The following TENM3 variants were observed in gnomAD, a reference collection of about 807,000 sequenced individuals.
The protein encoded by TENM3 is teneurin-3.
A neutral mutation model predicts 255.1 loss-of-function variants in TENM3; 63 were observed. The ratio of observed to expected loss-of-function variants is 0.25; its 90% CI spans 0.20 to 0.30. The LOEUF (loss-of-function observed/expected upper bound fraction) is 0.30. TENM3 is among the 10% of genes least tolerant of loss of function. TENM3 has a pLI of 1.00. For synonymous variants in TENM3, 1,306 were observed against 1,322.3 expected (o/e 0.99, Z 0.27); for missense variants, 2,929 against 3,461.1 (o/e 0.85, Z 3.86).
intron 3 of TENM3, among the ~76,000 whole-genome samples, chr4:182,405,134 A>G (rs1041212718): frequency 2.0e-5 from 3 of 151,804 alleles, no homozygotes; most frequent in African/African-American, 4.8e-5. Context: ...ATTACTCACT[A>G]CTCCCAGCCA....
intron 3 of TENM3, among the ~76,000 whole-genome samples, chr4:182,519,842 CTAAACAT>C (rs1043818373): frequency 6.6e-6 from 1 of 152,060 alleles, no homozygotes; most frequent in African/African-American, 2.4e-5. Context: ...AACGGAATTT[CTAAACAT>C]TGGTGACTAC....
At chr4:181,539,586 T>C in the TENM3 span, among the ~76,000 whole-genome samples, 1 of 152,196 alleles carries the variant, frequency 6.6e-6, no homozygotes, top group Non-Finnish European at 1.5e-5. Context: ...CATTATTCAT[T>C]TGAAGTGTAA....
At chr4:182,385,838 AT>A (rs1767883085) in intron 3 of TENM3, among the ~76,000 whole-genome samples, 1 of 152,144 alleles carries the variant, frequency 6.6e-6, no homozygotes, top group Non-Finnish European at 1.5e-5. Flanking sequence ...AGATACAGCT[AT>A]TTTTCTTGGA....
At chr4:182,083,095 A>C in the TENM3 span, among the ~76,000 whole-genome samples, 49 of 152,364 alleles carry the variant, frequency 3.2e-4, no homozygotes, top group Non-Finnish European at 6.2e-4. Flanking sequence ...AATTGAGTTA[A>C]CACAAGTTAA....
At chr4:182,248,727 C>T (rs570945167) in intron 1 of TENM3, among the ~76,000 whole-genome samples, 2 of 152,278 alleles carry the variant, frequency 1.3e-5, no homozygotes, top group East Asian at 3.9e-4. Flanking sequence ...ATGCCTACTA[C>T]GTGCCAGCTC....
chr4:182,084,945 A>G, the TENM3 span: 2 of 152,214 alleles, frequency 1.3e-5, no homozygotes, highest in Non-Finnish European at 2.9e-5. Flanking sequence ...CAGAAAGCCT[A>G]TCACCCTTCT....
rs78216267 is a variant in TENM3 at position 182,145,524 on chromosome 4, C to G, written c.-76+770C>G. Among the ~76,000 whole-genome samples the G allele has an allele frequency of 4.7e-3, 718 of 152,302 alleles. 6 individuals are homozygous for G. The highest frequency in any genetic ancestry group is 0.016 in the African/African-American group (671 of 41,562). On this transcript the variant is annotated intron_variant, in intron 1 of 2. Transcript: ENST00000512480. ...TGTCTGATTGATCTTTGCTGAGCAT[C>G]TTACTATGCAGCTTGGATTCCATTC... is the stretch of plus-strand genomic sequence containing the variant.
chr4:182,241,514 C>CTT (rs1561232126), upstream of TENM3, among the ~76,000 whole-genome samples: 2 of 102,626 alleles, frequency 1.9e-5, no homozygotes, highest in Non-Finnish European at 3.8e-5. Context: ...TTTCTTTTTT[C>CTT]TTTCTTTTTT....
intron 6 of TENM3, among the ~76,000 whole-genome samples, chr4:182,661,153 C>T (rs1269826171): frequency 1.3e-5 from 2 of 149,678 alleles, no homozygotes; most frequent in African/African-American, 4.9e-5. Context: ...ATGATTTATG[C>T]TGCTTAAACA....
At chr4:182,509,937 C>A (rs1048473268) in intron 3 of TENM3, among the ~76,000 whole-genome samples, 761 of 104,266 alleles carry the variant, frequency 7.3e-3, no homozygotes, top group African/African-American at 0.012. Context: ...AACTCTGTCT[C>A]AAAAAAAAAA....
intron 1 of TENM3, among the ~76,000 whole-genome samples, chr4:182,203,617 C>T (rs1485518634): frequency 2.6e-5 from 4 of 152,186 alleles, no homozygotes; most frequent in Non-Finnish European, 4.4e-5. Context: ...TCCCTTTCCC[C>T]CGCTTTGCTG....
At chr4:181,701,124 C>G in the TENM3 span, among the ~76,000 whole-genome samples, 1 of 152,136 alleles carries the variant, frequency 6.6e-6, no homozygotes, top group African/African-American at 2.4e-5. Context: ...ATCTTCCGGG[C>G]ACTTAGTATT....
intron 1 of TENM3, among the ~76,000 whole-genome samples, chr4:182,153,498 A>T (rs1323848976): frequency 6.6e-6 from 1 of 152,122 alleles, no homozygotes; most frequent in Non-Finnish European, 1.5e-5. Flanking sequence ...TGATGTTAGG[A>T]ACTTCGGTCA....
chr4:182,501,382 G>GA (rs557542963), intron 3 of TENM3, among the ~76,000 whole-genome samples: 2 of 145,476 alleles, frequency 1.4e-5, no homozygotes, highest in Non-Finnish European at 3.0e-5. Flanking sequence ...GTGGGGGGGG[G>GA]GGTTGGCAAT....
At chr4:182,347,427 T>C (rs1764899835) in intron 3 of TENM3, among the ~76,000 whole-genome samples, 1 of 152,192 alleles carries the variant, frequency 6.6e-6, no homozygotes, top group South Asian at 2.1e-4. Context: ...GCTCTAGTGA[T>C]TGAAGAACAA....
intron 1 of TENM3, among the ~76,000 whole-genome samples, chr4:182,306,952 T>C (rs1387573896): frequency 2.0e-5 from 3 of 152,208 alleles, no homozygotes; most frequent in Non-Finnish European, 4.4e-5. Context: ...GTTAACACTC[T>C]GTAACATGAC....
At chr4:182,097,507 T>C in the TENM3 span, among the ~76,000 whole-genome samples, 1 of 152,198 alleles carries the variant, frequency 6.6e-6, no homozygotes, top group East Asian at 1.9e-4. Flanking sequence ...TAGGTCCCTA[T>C]GCAGTGCTTT....
intron 5 of TENM3, among the ~76,000 whole-genome samples, chr4:182,638,546 A>G (rs1752042325): frequency 6.6e-6 from 1 of 152,196 alleles, no homozygotes; most frequent in Non-Finnish European, 1.5e-5. Context: ...AAGAACAAGT[A>G]TGTTTTTTTA....
At chr4:182,360,194 T>G (rs1168208950) in intron 3 of TENM3, among the ~76,000 whole-genome samples, 7 of 134,268 alleles carry the variant, frequency 5.2e-5, no homozygotes, top group Admixed American at 4.7e-4. Context: ...AAATGTATAT[T>G]CTGTTGATTT....
Sources: allele counts gnomAD v4.1 joint callset (sites outside exome capture counted in the v4.1 genomes callset), GRCh38; gene constraint gnomAD v4.1.1; transcripts MANE v1.5; gene names NCBI Gene and HGNC (gene_info 2026-07-23, HGNC 2026-07-21).